RGS7: variants seen among roughly 807,000 people sequenced by gnomAD.
The protein encoded by RGS7 is regulator of G protein signaling 7.
In RGS7, 27 loss-of-function variants were observed where a neutral mutation model predicts 81.1. The ratio of observed to expected loss-of-function variants is 0.33; its 90% CI spans 0.25 to 0.46. The LOEUF (loss-of-function observed/expected upper bound fraction) is 0.46, where lower values mean the gene tolerates loss of function less well. RGS7 is among the 20% of genes least tolerant of loss of function. The probability of loss-of-function intolerance (pLI) is 1.00; values close to 1 mark genes in which losing one functional copy is unlikely to be tolerated. For synonymous variants in RGS7, 208 were observed against 207.7 expected (o/e 1.00, Z -0.01); for missense variants, 396 against 607.4 (o/e 0.65, Z 3.66).
Position 241,355,765 on chromosome 1 carries a change from C to T in RGS7, c.12G>A (p.Gly4=). Reference sequence around the variant, plus strand: ...CGTTGCTGGTCTGCCCATAATTATTCCCCTGGGCCATGTCACCCAAAACTT... The same window carrying T: ...CGTTGCTGGTCTGCCCATAATTATTTCCCTGGGCCATGTCACCCAAAACTT... The part of the protein sequence containing the change: MAQ[G]NNYGQTSNGV... Residue 4 remains glycine (G), a synonymous_variant, in exon 2 of 19, where the codon GGG becomes GGA. Transcript: ENST00000440928. 1 of 1,613,984 alleles carries T rather than the reference C, an allele frequency of 6.2e-7. No individual in the cohort carries two copies. Among genetic ancestry groups the T allele is most frequent in the Non-Finnish European group, 8.5e-7 (1 of 1,179,906 alleles).
At chr1:241,310,471 G>C (rs1330147838) in intron 2 of RGS7, among the ~76,000 whole-genome samples, 1 of 99,574 alleles carries the variant, frequency 1.0e-5, no homozygotes, top group African/African-American at 2.8e-5. Flanking sequence ...GAGTGTGTGT[G>C]TCTGTGTGTC....
intron 2 of RGS7, among the ~76,000 whole-genome samples, chr1:241,311,215 G>A (rs2080506843): frequency 6.6e-6 from 1 of 152,060 alleles, no homozygotes; most frequent in Non-Finnish European, 1.5e-5. Context: ...AACAACTTAG[G>A]CATTCCTGAA....
At chr1:241,099,246 ACT>A in intron 2 of RGS7, among the ~76,000 whole-genome samples, 1 of 152,300 alleles carries the variant, frequency 6.6e-6, no homozygotes, top group Non-Finnish European at 1.5e-5. Context: ...GAAATCCAGG[ACT>A]GATTGCCAAC....
intron 18 of RGS7, among the ~76,000 whole-genome samples, chr1:240,786,259 T>A (rs1685048737): frequency 6.6e-6 from 1 of 152,224 alleles, no homozygotes; most frequent in African/African-American, 2.4e-5. Context: ...TCTACCTTTT[T>A]ATACACAGAT....
intron 2 of RGS7, among the ~76,000 whole-genome samples, chr1:241,345,326 A>G (rs1162199636): frequency 6.6e-6 from 1 of 152,170 alleles, no homozygotes; most frequent in African/African-American, 2.4e-5. Flanking sequence ...TAATCTGTAC[A>G]ACAAACCCCC....
At chr1:240,926,785 T>C (rs1047863310) in intron 6 of RGS7, among the ~76,000 whole-genome samples, 3 of 152,302 alleles carry the variant, frequency 2.0e-5, no homozygotes, top group South Asian at 2.1e-4. Flanking sequence ...CTTTTTGTAC[T>C]TGCACACAAA....
At chr1:240,932,000 T>G (rs1675524893) in intron 5 of RGS7, among the ~76,000 whole-genome samples, 1 of 152,178 alleles carries the variant, frequency 6.6e-6, no homozygotes, top group African/African-American at 2.4e-5. Flanking sequence ...ACTGTGGGCT[T>G]AATTCTATCT....
chr1:240,802,203 A>G (rs1688132240), intron 16 of RGS7, among the ~76,000 whole-genome samples: 2 of 152,190 alleles, frequency 1.3e-5, no homozygotes, highest in African/African-American at 2.4e-5. Context: ...TCAAGAAGCT[A>G]TGAACTATTT....
intron 6 of RGS7, among the ~76,000 whole-genome samples, chr1:240,913,043 C>T (rs1335847325): frequency 6.6e-6 from 1 of 152,170 alleles, no homozygotes; most frequent in Non-Finnish European, 1.5e-5. Context: ...GGAGACACAA[C>T]CAGCAAAACA....
chr1:241,040,184 C>T (rs1276949249), intron 3 of RGS7, among the ~76,000 whole-genome samples: 1 of 152,200 alleles, frequency 6.6e-6, no homozygotes, highest in African/African-American at 2.4e-5. Context: ...AGCCTTTCAG[C>T]GTTTTCTGTA....
At chr1:241,042,904 C>T (rs537333687) in intron 3 of RGS7, among the ~76,000 whole-genome samples, 15 of 149,614 alleles carry the variant, frequency 1.0e-4, no homozygotes, top group South Asian at 4.2e-4. Flanking sequence ...CACAGTGAGC[C>T]GAGATTGCAC....
chr1:241,202,747 T>C (rs912110140), intron 2 of RGS7, among the ~76,000 whole-genome samples: 2 of 152,150 alleles, frequency 1.3e-5, no homozygotes, highest in African/African-American at 2.4e-5. Flanking sequence ...CTAGTTTTTA[T>C]ACAGAAGTGG....
At chr1:241,226,333 A>G (rs1365432186) in intron 2 of RGS7, among the ~76,000 whole-genome samples, 1 of 152,064 alleles carries the variant, frequency 6.6e-6, no homozygotes, top group Non-Finnish European at 1.5e-5. Flanking sequence ...GGAGGCTGGA[A>G]GAAGGAGCAT....
intron 4 of RGS7, among the ~76,000 whole-genome samples, chr1:240,956,554 A>G (rs542007564): frequency 6.4e-4 from 97 of 152,168 alleles, no homozygotes; most frequent in Middle Eastern, 3.2e-3. Flanking sequence ...CATTTAGTAC[A>G]TTTAGTAACT....
chr1:241,180,751 G>A (rs1371644838), intron 2 of RGS7, among the ~76,000 whole-genome samples: 2 of 152,198 alleles, frequency 1.3e-5, no homozygotes, highest in Non-Finnish European at 2.9e-5. Context: ...ACTCTGCTGT[G>A]AATTTGATGT....
rs142280368 is a variant in RGS7, at chr1:241,047,618, C to A, written c.175+51048G>T. Among the ~76,000 whole-genome samples the A allele has an allele frequency of 3.3e-3, 497 of 151,576 alleles. 3 individuals are homozygous for A. The highest frequency in any genetic ancestry group is 0.01 in the Middle Eastern group (3 of 292). ...TTTCAAATGTCACTATTAGTACTTA[C>A]TAAATTGAAAGGAAATGTTCTCCTA... On this transcript the variant is annotated intron_variant, in intron 3 of 18. Coordinates refer to ENST00000440928, the MANE Select transcript of RGS7 (RefSeq NM_001364886.1).
Position 241,250,766 on chromosome 1 carries a change from A to T in RGS7, c.78+104933T>A, listed in dbSNP as rs774424578. ...CAAGTAACAAATATAAAATCTGATA[A>T]CTAAACAGGAGAAAACCTGTATAAA... On this transcript the variant is annotated intron_variant, in intron 2 of 18. Coordinates refer to ENST00000440928, the MANE Select transcript of RGS7 (RefSeq NM_001364886.1). Among the ~76,000 whole-genome samples the T allele has an allele frequency of 1.2e-4, 18 of 152,362 alleles. No homozygotes were observed. In the East Asian group the frequency reaches 3.3e-3, roughly 28 times the overall value.
chr1:241,241,504 G>T (rs1033580143), intron 2 of RGS7, among the ~76,000 whole-genome samples: 1 of 152,110 alleles, frequency 6.6e-6, no homozygotes, highest in African/African-American at 2.4e-5. Flanking sequence ...AAGGCAGCAC[G>T]TGTCTGTGGA....
chr1:241,306,156 A>G (rs1458462655), intron 2 of RGS7, among the ~76,000 whole-genome samples: 1 of 151,094 alleles, frequency 6.6e-6, no homozygotes, highest in Non-Finnish European at 1.5e-5. Context: ...ACACTCACAC[A>G]CGTCCACACA....
Sources: gnomAD v4.1 joint callset for allele counts (sites outside exome capture counted in the v4.1 genomes callset) on GRCh38, gnomAD v4.1.1 for gene constraint, MANE v1.5 for transcripts, NCBI Gene and HGNC (gene_info 2026-07-23, HGNC 2026-07-21) for gene names.